The following RALYL variants were observed in gnomAD, a reference collection of about 807,000 sequenced individuals.
The protein encoded by RALYL is RNA-binding Raly-like protein.
Under a neutral mutation model 35.1 loss-of-function variants are expected in RALYL, and 29 were observed. The ratio of observed to expected loss-of-function variants is 0.83; its 90% CI spans 0.61 to 1.13. The LOEUF (loss-of-function observed/expected upper bound fraction) is 1.13, where lower values mean the gene tolerates loss of function less well. RALYL is among the 50% of genes most tolerant of loss of function. RALYL has a pLI of 0.00. For synonymous variants in RALYL, 120 were observed against 127.6 expected (o/e 0.94, Z 0.40); for missense variants, 359 against 360.4 (o/e 1.00, Z 0.03).
chr8:84,207,820 G>GTATATA (rs3078265), intron 1 of RALYL, among the ~76,000 whole-genome samples: 4 of 146,112 alleles, frequency 2.7e-5, no homozygotes. Context: ...GTGTGTGTGT[G>GTATATA]TATATATATA....
intron 1 of RALYL, among the ~76,000 whole-genome samples, chr8:84,301,275 G>T (rs755689898): frequency 3.9e-4 from 59 of 151,930 alleles, no homozygotes; most frequent in Non-Finnish European, 7.2e-4. Flanking sequence ...GGTTCCCTTT[G>T]TAGGTGACCT....
At chr8:84,656,347 G>T (rs1049128226) in intron 2 of RALYL, among the ~76,000 whole-genome samples, 1 of 152,016 alleles carries the variant, frequency 6.6e-6, no homozygotes, top group Non-Finnish European at 1.5e-5. Flanking sequence ...AAAAATAGTT[G>T]TCTTCTTGAA....
At chr8:84,467,132 C>A (rs543747359) in intron 1 of RALYL, among the ~76,000 whole-genome samples, 1 of 152,056 alleles carries the variant, frequency 6.6e-6, no homozygotes, top group African/African-American at 2.4e-5. Flanking sequence ...TTTTTTGTGT[C>A]ACTATTTCCT....
chr8:84,808,401 C>A (rs1243588078), intron 4 of RALYL, among the ~76,000 whole-genome samples: 1 of 152,160 alleles, frequency 6.6e-6, no homozygotes, highest in Non-Finnish European at 1.5e-5. Flanking sequence ...GTTTTGGTGA[C>A]TATGTCCTTG....
intron 5 of RALYL, among the ~76,000 whole-genome samples, chr8:84,854,693 A>G (rs1290428319): frequency 6.6e-6 from 1 of 152,246 alleles, no homozygotes; most frequent in East Asian, 1.9e-4. Flanking sequence ...TCGGTATTAA[A>G]GAACTGAAAA....
chr8:84,795,040 G>C (rs1386649351), intron 3 of RALYL, among the ~76,000 whole-genome samples: 1 of 152,134 alleles, frequency 6.6e-6, no homozygotes, highest in African/African-American at 2.4e-5. Flanking sequence ...ACTTACCAAG[G>C]GGCTTGATGA....
chr8:84,297,934 G>A (rs1840071926), intron 1 of RALYL, among the ~76,000 whole-genome samples: 1 of 151,958 alleles, frequency 6.6e-6, no homozygotes, highest in African/African-American at 2.4e-5. Flanking sequence ...ACTCTTGATA[G>A]CCCTTTGTCA....
intron 2 of RALYL, among the ~76,000 whole-genome samples, chr8:84,579,144 C>T (rs1341940690): frequency 2.6e-5 from 4 of 152,190 alleles, no homozygotes; most frequent in African/African-American, 9.6e-5. Flanking sequence ...GCCTCCCTCC[C>T]ATGATTATTG....
intron 1 of RALYL, among the ~76,000 whole-genome samples, chr8:84,209,326 G>C (rs1314584224): frequency 6.6e-6 from 1 of 152,048 alleles, no homozygotes; most frequent in Non-Finnish European, 1.5e-5. Context: ...CCACTTTGTG[G>C]CCCCGGTTAT....
At chr8:84,343,067 G>A (rs978719701) in intron 1 of RALYL, among the ~76,000 whole-genome samples, 4 of 152,032 alleles carry the variant, frequency 2.6e-5, no homozygotes, top group Non-Finnish European at 5.9e-5. Context: ...TAACAGCTGT[G>A]ATTCTTGCTA....
intron 6 of RALYL, among the ~76,000 whole-genome samples, chr8:84,871,750 T>A (rs529440511): frequency 6.8e-4 from 104 of 152,324 alleles, no homozygotes; most frequent in Non-Finnish European, 1.4e-3. Flanking sequence ...CTTTGCATTG[T>A]AAATAAAAGT....
intron 1 of RALYL, among the ~76,000 whole-genome samples, chr8:84,456,432 A>C (rs711015): frequency 0.039 from 5,987 of 152,044 alleles, 157 homozygotes; most frequent in Middle Eastern, 0.075. Flanking sequence ...GCACAAATGC[A>C]ATACTACTCC....
intron 2 of RALYL, among the ~76,000 whole-genome samples, chr8:84,590,825 C>G (rs1407121595): frequency 1.3e-5 from 2 of 152,128 alleles, no homozygotes; most frequent in Non-Finnish European, 2.9e-5. Flanking sequence ...GATTATATGA[C>G]TTCTAAGCTG....
chr8:84,254,845 G>A (rs541286075), intron 1 of RALYL, among the ~76,000 whole-genome samples: 2 of 151,914 alleles, frequency 1.3e-5, no homozygotes, highest in Admixed American at 6.6e-5. Flanking sequence ...GGGGAACAAG[G>A]GACCTTCTTC....
In RALYL at chr8:84,735,504, T is replaced by C. The variant is rs143197866; in HGVS notation, c.257-39075T>C. Among the ~76,000 whole-genome samples, 527 of 152,080 alleles carry C rather than the reference T, an allele frequency of 3.5e-3. 3 individuals are homozygous for C. The highest frequency in any genetic ancestry group is 0.012 in the African/African-American group (494 of 41,526). ...TCCACCCCAGCAGCAGAGTTTCCCATGTGCTAACTGCCAACTGAGCCTCAA... is the reference window on the plus strand; with the variant it reads ...TCCACCCCAGCAGCAGAGTTTCCCACGTGCTAACTGCCAACTGAGCCTCAA... On this transcript the variant is annotated intron_variant, in intron 2 of 8. Transcript: ENST00000521268.
chr8:84,292,116 T>C (rs185804275), intron 1 of RALYL, among the ~76,000 whole-genome samples: 92 of 151,908 alleles, frequency 6.1e-4, no homozygotes, highest in Non-Finnish European at 7.4e-5. Flanking sequence ...TATAATAAAA[T>C]GTGGAGAAAC....
At chr8:84,191,521 A>G (rs898630898) in intron 1 of RALYL, among the ~76,000 whole-genome samples, 1 of 152,158 alleles carries the variant, frequency 6.6e-6, no homozygotes, top group Non-Finnish European at 1.5e-5. Flanking sequence ...AGTCTTCCTT[A>G]ACCTAGAATT....
At position 84,359,622 on chromosome 8, in the gene RALYL, AAGATC is replaced by A. The variant is rs531721040; in HGVS notation, c.-23-169673_-23-169669del. Among the ~76,000 whole-genome samples the A allele has an allele frequency of 1.6e-4, 24 of 152,244 alleles. No individual in the cohort carries two copies. In the East Asian group the frequency reaches 3.9e-3, roughly 25 times the overall value. On this transcript the variant is annotated intron_variant, in intron 1 of 8. Coordinates refer to ENST00000521268, the MANE Select transcript of RALYL (RefSeq NM_173848.7). The stretch of plus-strand genomic sequence containing the variant: ...ACTAAAATCACTGTAGAATAAAACA[AAGATC>A]AGACTTTCCTCGTTTGTATATAATA...
intron 2 of RALYL, among the ~76,000 whole-genome samples, chr8:84,772,142 T>C (rs1563568312): frequency 6.6e-6 from 1 of 152,126 alleles, no homozygotes; most frequent in Non-Finnish European, 1.5e-5. Context: ...CGGCTCCATG[T>C]GTTTATATAT....
Sources: gnomAD v4.1 joint callset for allele counts (sites outside exome capture counted in the v4.1 genomes callset) on GRCh38, gnomAD v4.1.1 for gene constraint, MANE v1.5 for transcripts, NCBI Gene and HGNC (gene_info 2026-07-23, HGNC 2026-07-21) for gene names.